The following ARHGAP26 variants were observed in gnomAD, a reference collection of about 807,000 sequenced individuals.
ARHGAP26 encodes Rho GTPase activating protein 26, also known as rho GTPase-activating protein 26.
In ARHGAP26, 38 loss-of-function variants were observed where a neutral mutation model predicts 104.8. The observed-to-expected ratio is 0.36, with a 90% confidence interval of 0.28 to 0.48. ARHGAP26 has a LOEUF of 0.48. Ranked by LOEUF, ARHGAP26 falls within the 20% of genes least tolerant of loss-of-function variation. The probability of loss-of-function intolerance (pLI) is 0.99; values close to 1 mark genes in which losing one functional copy is unlikely to be tolerated. For synonymous variants in ARHGAP26, 341 were observed against 340.0 expected (o/e 1.00, Z -0.03); for missense variants, 704 against 947.9 (o/e 0.74, Z 3.38).
At chr5:143,037,335 G>T in intron 13 of ARHGAP26, 74 bp downstream of exon 13, 2 of 1,295,920 alleles carry the variant, frequency 1.5e-6, no homozygotes, top group Non-Finnish European at 2.2e-6. Flanking sequence ...CCTGCTACCT[G>T]CTGTTTCCTG....
chr5:142,818,735 T>C (rs1190804991), intron 1 of ARHGAP26, among the ~76,000 whole-genome samples: 2 of 152,132 alleles, frequency 1.3e-5, no homozygotes, highest in Admixed American at 6.5e-5. Context: ...CATGCTAACA[T>C]ACACAGTAAC....
chr5:142,982,267 T>C (rs948806080), intron 11 of ARHGAP26, among the ~76,000 whole-genome samples: 2 of 152,252 alleles, frequency 1.3e-5, no homozygotes, highest in Non-Finnish European at 2.9e-5. Flanking sequence ...GCAAACTCGC[T>C]TTGGAGCACT....
chr5:142,855,180 A>G (rs1465101818), intron 1 of ARHGAP26, among the ~76,000 whole-genome samples: 1 of 152,222 alleles, frequency 6.6e-6, no homozygotes, highest in African/African-American at 2.4e-5. Flanking sequence ...TCAGTGGTGG[A>G]GAAAGACTGG....
At chr5:142,775,546 T>C (rs1054734623) in intron 1 of ARHGAP26, among the ~76,000 whole-genome samples, 1 of 152,218 alleles carries the variant, frequency 6.6e-6, no homozygotes, top group African/African-American at 2.4e-5. Flanking sequence ...GTTTTCAGCA[T>C]GTTCACCATG....
chr5:142,879,743 A>G (rs1756679803), intron 4 of ARHGAP26, among the ~76,000 whole-genome samples: 1 of 152,240 alleles, frequency 6.6e-6, no homozygotes, highest in African/African-American at 2.4e-5. Flanking sequence ...TTGTGTTATT[A>G]TAATAGATAG....
rs549127922 is a variant in ARHGAP26 at position 142,881,745 on chromosome 5, C to T, written c.384+2300C>T. ...AGCAAACAACAGATCCACTTCTAGG[C>T]GACCCAGGGAGCAGTCTCAAGAACA... is the stretch of plus-strand genomic sequence containing the variant. On this transcript the variant is annotated intron_variant, in intron 4 of 22. Transcript: ENST00000645722. Among the ~76,000 whole-genome samples the T allele has an allele frequency of 2.4e-4, 36 of 152,322 alleles. No individual in the cohort carries two copies. The South Asian group carries it at 4.4e-3, about 18-fold the overall frequency.
At chr5:143,029,748 A>G (rs1279492785) in intron 12 of ARHGAP26, among the ~76,000 whole-genome samples, 4 of 152,124 alleles carry the variant, frequency 2.6e-5, no homozygotes, top group African/African-American at 9.7e-5. Context: ...CAGTGCTTCC[A>G]GCAAATTCCA....
At chr5:142,906,462 T>C (rs1050607602) in intron 8 of ARHGAP26, among the ~76,000 whole-genome samples, 5 of 152,214 alleles carry the variant, frequency 3.3e-5, no homozygotes, top group African/African-American at 7.2e-5. Context: ...TTCAGTGTAC[T>C]TATGTAAGGA....
chr5:142,785,365 G>T (rs1758367043), intron 1 of ARHGAP26, among the ~76,000 whole-genome samples: 1 of 152,242 alleles, frequency 6.6e-6, no homozygotes, highest in Admixed American at 6.5e-5. Flanking sequence ...ACCTGGCACT[G>T]TTCTTGCTCT....
chr5:142,922,263 C>G (rs1463635617), intron 10 of ARHGAP26: 1 of 152,060 alleles, frequency 6.6e-6, no homozygotes, highest in East Asian at 1.9e-4. Flanking sequence ...AATTGTGTGA[C>G]TGAGATTATG....
At chr5:143,036,533 TTTC>T (rs1253415384) in intron 12 of ARHGAP26, among the ~76,000 whole-genome samples, 1 of 152,208 alleles carries the variant, frequency 6.6e-6, no homozygotes, top group East Asian at 1.9e-4. Flanking sequence ...CTGAATCATT[TTTC>T]TTCTTTTATT....
intron 1 of ARHGAP26, among the ~76,000 whole-genome samples, chr5:142,777,648 G>C (rs1756604708): frequency 6.6e-6 from 1 of 152,186 alleles, no homozygotes; most frequent in South Asian, 2.1e-4. Flanking sequence ...AGGAAATACG[G>C]AGACCCTGCT....
chr5:142,977,845 G>A (rs1476175609), intron 11 of ARHGAP26, among the ~76,000 whole-genome samples: 1 of 152,196 alleles, frequency 6.6e-6, no homozygotes, highest in East Asian at 1.9e-4. Flanking sequence ...AGTTCAGCGA[G>A]CTCTGGTATC....
chr5:142,995,261 A>G (rs931313820), intron 11 of ARHGAP26, among the ~76,000 whole-genome samples: 16 of 152,248 alleles, frequency 1.1e-4, no homozygotes, highest in African/African-American at 3.1e-4. Flanking sequence ...TTTGCAATCT[A>G]TCCATCTGAC....
intron 1 of ARHGAP26, among the ~76,000 whole-genome samples, chr5:142,852,232 T>G (rs1045232991): frequency 2.6e-5 from 4 of 152,164 alleles, no homozygotes; most frequent in Admixed American, 6.5e-5. Context: ...CAGAGGTAGT[T>G]TAGAAGGGAC....
chr5:143,158,931 T>C (rs1466989587), intron 20 of ARHGAP26, among the ~76,000 whole-genome samples: 1 of 152,188 alleles, frequency 6.6e-6, no homozygotes, highest in African/African-American at 2.4e-5. Context: ...TGTATTAGGA[T>C]CCTAAGAAGA....
intron 22 of ARHGAP26, among the ~76,000 whole-genome samples, chr5:143,220,499 C>T (rs1811001562): frequency 6.6e-6 from 1 of 152,220 alleles, no homozygotes; most frequent in African/African-American, 2.4e-5. Flanking sequence ...GTATGAAGTG[C>T]AGAAACTGAA....
intron 1 of ARHGAP26, among the ~76,000 whole-genome samples, chr5:142,802,838 C>T (rs895559233): frequency 6.6e-6 from 1 of 152,118 alleles, no homozygotes; most frequent in African/African-American, 2.4e-5. Context: ...ATTAGGAGGC[C>T]CAAACCTGAG....
intron 11 of ARHGAP26, among the ~76,000 whole-genome samples, chr5:142,937,801 T>A (rs1765658935): frequency 6.6e-6 from 1 of 152,054 alleles, no homozygotes; most frequent in African/African-American, 2.4e-5. Flanking sequence ...AAAAAAAATA[T>A]ACTTTAATTT....
Sources: gnomAD v4.1 joint callset for allele counts (sites outside exome capture counted in the v4.1 genomes callset) on GRCh38, gnomAD v4.1.1 for gene constraint, MANE v1.5 for transcripts, NCBI Gene and HGNC (gene_info 2026-07-23, HGNC 2026-07-21) for gene names.